NIT2: variants seen among roughly 807,000 people sequenced by gnomAD.
The protein encoded by NIT2 is omega-amidase NIT2.
Under a neutral mutation model 42.7 loss-of-function variants are expected in NIT2, and 46 were observed. That is an observed-to-expected ratio of 1.08 (90% CI 0.85 to 1.38). The LOEUF (loss-of-function observed/expected upper bound fraction) is 1.38. Ranked by LOEUF, NIT2 falls within the 40% of genes most tolerant of loss-of-function variation. The probability of loss-of-function intolerance (pLI) is 0.00; values close to 1 mark genes in which losing one functional copy is unlikely to be tolerated. For missense variants in NIT2, 309 were observed against 342.5 expected (o/e 0.90, Z 0.77); for synonymous variants, 123 against 121.9 (o/e 1.01, Z -0.06).
chr3:100,335,869 G>T (rs1191031291), intron 1 of NIT2, among the ~76,000 whole-genome samples: 1 of 152,190 alleles, frequency 6.6e-6, no homozygotes, highest in Non-Finnish European at 1.5e-5. Flanking sequence ...AAATTAGCCC[G>T]GTGTGGTGGC....
chr3:100,336,379 GAGAGACTTGGAAA>G (rs1559822091), intron 1 of NIT2, among the ~76,000 whole-genome samples: 1 of 152,184 alleles, frequency 6.6e-6, no homozygotes, highest in Non-Finnish European at 1.5e-5. Flanking sequence ...TAGGTGGAAC[GAGAGACTTGGAAA>G]AGAAAAAGAC....
chr3:100,336,760 C>T (rs74782377), intron 1 of NIT2, among the ~76,000 whole-genome samples: 2,829 of 152,270 alleles, frequency 0.019, 100 homozygotes, highest in African/African-American at 0.064. Flanking sequence ...GGTTTTATAC[C>T]GAGACATTCC....
chr3:100,347,011 A>G (rs1235509355), intron 6 of NIT2, among the ~76,000 whole-genome samples: 1 of 152,222 alleles, frequency 6.6e-6, no homozygotes, highest in African/African-American at 2.4e-5. Flanking sequence ...CCCTAATTTC[A>G]GTTGAAAAGA....
intron 6 of NIT2, among the ~76,000 whole-genome samples, chr3:100,346,583 A>G (rs1474796018): frequency 6.6e-6 from 1 of 152,200 alleles, no homozygotes; most frequent in Admixed American, 6.5e-5. Flanking sequence ...ACCCCTAGAC[A>G]TTGGGTACAA....
intron 1 of NIT2, among the ~76,000 whole-genome samples, chr3:100,337,514 C>T (rs1226409225): frequency 6.6e-6 from 1 of 152,114 alleles, no homozygotes; most frequent in African/African-American, 2.4e-5. Context: ...AGTGCAGTGG[C>T]GCGATCTTGG....
At chr3:100,353,561 C>A (rs1706294604) in intron 8 of NIT2, among the ~76,000 whole-genome samples, 1 of 152,046 alleles carries the variant, frequency 6.6e-6, no homozygotes, top group Non-Finnish European at 1.5e-5. Context: ...AATGCCAGGG[C>A]AAATGGGGAA....
In NIT2 at chr3:100,355,265, C is replaced by G. The variant is rs1198292712; in HGVS notation, c.828C>G (p.Pro276=). ...SDLYAVEMKK[P] ...TCTATGCTGTGGAGATGAAAAAGCCCTAAAGTTTATGTTTCTAATGTGTCA... is the reference window on the plus strand; with the variant it reads ...TCTATGCTGTGGAGATGAAAAAGCCGTAAAGTTTATGTTTCTAATGTGTCA... The change falls in exon 10 of 10, where the codon CCC becomes CCG. Residue 276 remains proline, a synonymous_variant. Coordinates refer to ENST00000394140, the MANE Select transcript of NIT2 (RefSeq NM_020202.5). 6.2e-7 allele frequency: 1 copy of G among 1,611,064 alleles called. No individual in the cohort carries two copies. The highest frequency in any genetic ancestry group is 2.2e-5 in the East Asian group (1 of 44,854).
At chr3:100,355,142 A>G in intron 9 of NIT2, 35 bp from the exon 10 acceptor site, 1 of 1,535,344 alleles carries the variant, frequency 6.5e-7, no homozygotes, top group Non-Finnish European at 9.0e-7. Context: ...GAGGAGTTGC[A>G]AATTATTAAT....
Position 100,339,135 on chromosome 3 carries a change from A to T in NIT2, c.56A>T (p.Asp19Val), listed in dbSNP as rs1250190629. Residue 19 changes from aspartate to valine, a missense_variant, in exon 2 of 10, where the codon GAT becomes GTT. Physicochemically the swap from Asp to Val is radical, Grantham distance 152 (BLOSUM62 -3). Transcript: ENST00000394140. ...CTTCAGATTTCTTCCATCAAATCAG[A>T]TAACGTCACTCGCGCTTGTAGCTTC... ...IQLQISSIKS[D>V]NVTRACSFIR... is the part of the protein sequence containing the mutation. The T allele has an allele frequency of 6.2e-7, 1 of 1,613,992 alleles. No homozygotes were observed. Among genetic ancestry groups the T allele is most frequent in the East Asian group, 2.2e-5 (1 of 44,896 alleles).
intron 7 of NIT2, among the ~76,000 whole-genome samples, chr3:100,352,103 G>A (rs1018088360): frequency 2.6e-4 from 39 of 152,174 alleles, no homozygotes; most frequent in African/African-American, 9.4e-4. Context: ...TAAAAAGTCA[G>A]GAAACAGCAG....
At chr3:100,346,627 C>T (rs899158462) in intron 6 of NIT2, among the ~76,000 whole-genome samples, 3 of 152,074 alleles carry the variant, frequency 2.0e-5, no homozygotes, top group South Asian at 2.1e-4. Context: ...TTGGTCCAGA[C>T]GAGGAGAAAT....
Position 100,348,927 on chromosome 3 carries a change from G to A in NIT2, c.584+46G>A, listed in dbSNP as rs73862463. ...TCAAGCCTCTCGGCATGTCCTCTTT[G>A]TAGAAAGATTTCCGGTTGGGTGGAG... On this transcript the variant is annotated intron_variant, in intron 7 of 9. Coordinates refer to ENST00000394140, the MANE Select transcript of NIT2 (RefSeq NM_020202.5). 1.8e-3 allele frequency: 2,766 copies of A among 1,558,308 alleles called. 47 individuals are homozygous for A. The African/African-American group carries it at 0.033, about 19-fold the overall frequency.
At chr3:100,346,352 C>T in intron 6 of NIT2, 97 bp downstream of exon 6, 1 of 1,061,752 alleles carries the variant, frequency 9.4e-7, no homozygotes, top group Non-Finnish European at 1.4e-6. Context: ...TGGGAGAGGG[C>T]TCTTTAATTT....
chr3:100,348,851 C>T lies in NIT2; in HGVS notation c.554C>T (p.Pro185Leu). 1.2e-6 allele frequency: 2 copies of T among 1,614,016 alleles called. No individual in the cohort carries two copies. Among genetic ancestry groups the T allele is most frequent in the Non-Finnish European group, 1.7e-6 (2 of 1,179,910 alleles). The change falls in exon 7 of 10, where the codon CCA becomes CTA. Residue 185 changes from proline to leucine, a missense_variant. Physicochemically the swap from Pro to Leu is moderately conservative, Grantham distance 98. Transcript: ENST00000394140. ...YPGAFNLTTG[P>L]AHWELLQRSR... ...GGAGCTTTTAATCTGACCACTGGAC[C>T]AGCCCATTGGGAGTTACTTCAGCGA... is the stretch of plus-strand genomic sequence containing the variant.
intron 4 of NIT2, among the ~76,000 whole-genome samples, chr3:100,341,467 C>T (rs1328791046): frequency 3.3e-5 from 5 of 151,998 alleles, no homozygotes; most frequent in Admixed American, 6.6e-5. Flanking sequence ...CTCCTGGGTT[C>T]ACACCATTCT....
At position 100,360,499 on chromosome 3, in the gene NIT2, G is replaced by A. The variant is rs945465618; in HGVS notation, c.*5231G>A. 3 of 152,290 alleles carry A rather than the reference G, an allele frequency of 2.0e-5. No homozygotes were observed. The highest frequency in any genetic ancestry group is 2.9e-5 in the Non-Finnish European group (2 of 68,138). The allele number at this position is 152,290 out of a possible 1,614,324, so 9.4% of individuals were successfully genotyped here. On this transcript the variant is annotated 3_prime_UTR_variant, in exon 10 of 10. Transcript: ENST00000394140. ...CATGCCTGTGATCCCAGCTACTCGG[G>A]AGGGTAAGGCAGGAGGAGGTTACAG...
At position 100,359,797 on chromosome 3, in the gene NIT2, A is replaced by G. The variant is rs778157925; in HGVS notation, c.*4529A>G. The stretch of plus-strand genomic sequence containing the variant: ...CCACTCGTTTAAAAACAACCACTTC[A>G]CTTTGCTGGACTCTACCTTGAATGC... On this transcript the variant is annotated 3_prime_UTR_variant, in exon 10 of 10. Transcript: ENST00000394140. 1 of 152,046 alleles carries G rather than the reference A, an allele frequency of 6.6e-6. No homozygotes were observed. Among genetic ancestry groups the G allele is most frequent in the Non-Finnish European group, 1.5e-5 (1 of 68,008 alleles). The allele number at this position is 152,046 out of a possible 1,614,324, so 9.4% of individuals were successfully genotyped here. A position where few individuals can be genotyped will look rare whatever the true frequency, so the allele number is the denominator to read the frequency against.
At chr3:100,354,915 G>A in intron 9 of NIT2, 88 bp downstream of exon 9, 1 of 1,152,002 alleles carries the variant, frequency 8.7e-7, no homozygotes, top group Non-Finnish European at 1.3e-6. Context: ...CTGTCATTTG[G>A]AGGGGTTCCT....
chr3:100,355,126 G>C (rs1441721306), intron 9 of NIT2, 51 bp from the exon 10 acceptor site: 1 of 1,338,102 alleles, frequency 7.5e-7, no homozygotes, highest in African/African-American at 1.4e-5. Flanking sequence ...AATCCCCTTG[G>C]TTAGTGAGGA....
Sources: allele counts gnomAD v4.1 joint callset (sites outside exome capture counted in the v4.1 genomes callset), GRCh38; gene constraint gnomAD v4.1.1; transcripts MANE v1.5; gene names NCBI Gene and HGNC (gene_info 2026-07-23, HGNC 2026-07-21).